Variants in HEPH observed in about 807,000 individuals in gnomAD.
HEPH encodes the protein hephaestin.
A neutral mutation model predicts 80.8 loss-of-function variants in HEPH; 69 were observed. The observed-to-expected ratio is 0.85, with a 90% CI of 0.70 to 1.04. HEPH has a LOEUF of 1.04. Ranked by LOEUF, HEPH falls within the 50% of genes least tolerant of loss-of-function variation. The probability of loss-of-function intolerance (pLI) is 0.00; values close to 1 mark genes in which losing one functional copy is unlikely to be tolerated. For missense variants in HEPH, 1,115 were observed against 891.3 expected, an observed-to-expected ratio of 1.25 and a Z score of -3.20; for synonymous variants, 431 against 322.8, an observed-to-expected ratio of 1.34 and a Z score of -3.60.
At chrX:66,196,753 G>A (rs1186414708) in intron 9 of HEPH, among the ~76,000 whole-genome samples, 1 of 111,819 alleles carries the variant, frequency 8.9e-6, no homozygotes. Flanking sequence ...GTAGGCAAAC[G>A]ACAGCATCAA....
intron 17 of HEPH, 78 bp downstream of exon 17, chrX:66,256,408 A>ATTATGTTC: frequency 1.5e-6 from 1 of 685,746 alleles, no homozygotes; most frequent in Non-Finnish European, 2.2e-6. Context: ...GCCTATTGCT[A>ATTATGTTC]CCTAAGGGAA....
intron 15 of HEPH, among the ~76,000 whole-genome samples, chrX:66,210,890 C>A (rs774316102): frequency 9.0e-6 from 1 of 111,040 alleles, no homozygotes; most frequent in Admixed American, 9.6e-5. Context: ...AAGCAGGGGG[C>A]AGTTTTTTGT....
At chrX:66,255,394 A>T (rs1010804207) in intron 16 of HEPH, among the ~76,000 whole-genome samples, 1 of 603 alleles carries the variant, frequency 1.7e-3, no homozygotes, top group Non-Finnish European at 2.6e-3. Flanking sequence ...TCTCATTATA[A>T]AAAAAAACAA....
intron 15 of HEPH, among the ~76,000 whole-genome samples, chrX:66,246,687 T>C: frequency 8.9e-6 from 1 of 111,789 alleles, no homozygotes; most frequent in East Asian, 2.8e-4. Context: ...CTTACTCACC[T>C]TTCCCCTGTT....
chrX:66,250,531 T>A (rs1211765370), intron 15 of HEPH, among the ~76,000 whole-genome samples: 1 of 111,458 alleles, frequency 9.0e-6, no homozygotes, highest in African/African-American at 3.3e-5. Context: ...TTTGAACCAC[T>A]GATCTGGTCT....
intron 15 of HEPH, among the ~76,000 whole-genome samples, chrX:66,219,193 A>C (rs1337166019): frequency 8.9e-6 from 1 of 112,233 alleles, no homozygotes; most frequent in African/African-American, 3.2e-5. Context: ...GTAGCAAGGA[A>C]GCAGTAAGCA....
rs771713667 is a variant in HEPH, at chrX:66,167,014, T to C, written c.-14+2544T>C. Among the ~76,000 whole-genome samples, 5 of 112,331 alleles carry C rather than the reference T, an allele frequency of 4.5e-5. No homozygotes were observed. The South Asian group carries it at 1.8e-3, about 41-fold the overall frequency. On this transcript the variant is annotated intron_variant, in intron 1 of 20. Coordinates refer to ENST00000343002, the MANE Select transcript of HEPH (RefSeq NM_001367233.3). The stretch of plus-strand genomic sequence containing the variant: ...TCACTTACATGTGCCCTTAAAGTAC[T>C]TACAGATCTTAATTAAGTTAATCCC...
chrX:66,195,020 C>A (rs2088007030), intron 8 of HEPH, 78 bp from the exon 9 acceptor site: 1 of 811,509 alleles, frequency 1.2e-6, no homozygotes, highest in Non-Finnish European at 1.7e-6. Flanking sequence ...CCTTTTCTTT[C>A]CCTCCCTCTT....
intron 20 of HEPH, among the ~76,000 whole-genome samples, chrX:66,266,122 A>G (rs1434490045): frequency 1.9e-5 from 2 of 104,235 alleles, no homozygotes; most frequent in Non-Finnish European, 4.0e-5. Flanking sequence ...AACAAGTCAA[A>G]TTCATCTTTT....
At position 66,229,951 on chromosome X, in the gene HEPH, G is replaced by C. The variant is rs1202092502; in HGVS notation, c.2563+21705G>C. On this transcript the variant is annotated intron_variant, in intron 15 of 20. Transcript: ENST00000343002. ...TCCCCCCACCCCACCACAGTCCCCA[G>C]AGTGTGATATTCCCCTTCCTGTGTC... Among the ~76,000 whole-genome samples the C allele has an allele frequency of 4.0e-5, 3 of 74,282 alleles. No individual in the cohort carries two copies. In the Admixed American group the frequency reaches 6.2e-4, roughly 15 times the overall value. The allele number at this position is 74,282 out of a possible 115,157, so 64.5% of individuals were successfully genotyped here. A position where few individuals can be genotyped will look rare whatever the true frequency, so the allele number is the denominator to read the frequency against.
intron 19 of HEPH, among the ~76,000 whole-genome samples, chrX:66,263,042 G>A (rs1477399892): frequency 9.0e-6 from 1 of 110,872 alleles, no homozygotes; most frequent in Non-Finnish European, 1.9e-5. Flanking sequence ...TGAGGGAGAG[G>A]AAGACTGAGC....
intron 13 of HEPH, among the ~76,000 whole-genome samples, chrX:66,204,284 G>A (rs1474600766): frequency 8.9e-6 from 1 of 111,830 alleles, no homozygotes; most frequent in Non-Finnish European, 1.9e-5. Flanking sequence ...TCTCTAATTA[G>A]TCAGCCATGT....
In HEPH at chrX:66,173,745, A is replaced by T; in HGVS notation, c.569A>T (p.Asp190Val). ...ACCTGGATCTACCATTCTCATGTAGATGCTCCACGAGACATTGCAACTGGC... is the reference window on the plus strand; with the variant it reads ...ACCTGGATCTACCATTCTCATGTAGTTGCTCCACGAGACATTGCAACTGGC... ...CLTWIYHSHV[D>V]APRDIATGLI... Residue 190 changes from aspartate to valine, a missense_variant, in exon 4 of 21, where the codon GAT (aspartate) becomes GTT (valine). By Grantham distance (152) the Asp-to-Val change is radical. Transcript: ENST00000343002. The T allele has an allele frequency of 1.7e-6, 2 of 1,206,191 alleles. No individual in the cohort carries two copies. Among genetic ancestry groups the T allele is most frequent in the Admixed American group, 2.2e-5 (1 of 45,451 alleles).
At chrX:66,165,067 A>G (rs1248239275) in intron 1 of HEPH, among the ~76,000 whole-genome samples, 2 of 111,881 alleles carry the variant, frequency 1.8e-5, no homozygotes, top group Admixed American at 9.5e-5. Flanking sequence ...GGTGATTGAA[A>G]AAGATGGTTT....
chrX:66,176,636 C>A (rs12839629), intron 4 of HEPH, among the ~76,000 whole-genome samples: 1 of 111,253 alleles, frequency 9.0e-6, no homozygotes, highest in African/African-American at 3.3e-5. Flanking sequence ...TCTCCTAATG[C>A]TATCCCTCCC....
intron 15 of HEPH, among the ~76,000 whole-genome samples, chrX:66,230,677 C>T (rs1264214557): frequency 2.0e-5 from 2 of 101,471 alleles, no homozygotes; most frequent in African/African-American, 3.7e-5. Flanking sequence ...TGGATATTAG[C>T]CCTTTGTCAG....
At chrX:66,194,856 T>G (rs1371449914) in intron 8 of HEPH, among the ~76,000 whole-genome samples, 1 of 112,126 alleles carries the variant, frequency 8.9e-6, no homozygotes, top group Non-Finnish European at 1.9e-5. Context: ...GTTAATAATT[T>G]TTGCCCTATA....
upstream of HEPH, among the ~76,000 whole-genome samples, chrX:66,163,598 G>A (rs895655859): frequency 1.8e-5 from 2 of 111,018 alleles, no homozygotes; most frequent in Non-Finnish European, 3.8e-5. Flanking sequence ...TTCAATAATT[G>A]TGAAGTCCCT....
chrX:66,213,280 C>T (rs189177205), intron 15 of HEPH, among the ~76,000 whole-genome samples: 3,462 of 108,321 alleles, frequency 0.032, 135 homozygotes, highest in African/African-American at 0.11. Flanking sequence ...TGAGAATATG[C>T]GGTGTTTGGT....
Sources: allele counts gnomAD v4.1 joint callset (sites outside exome capture counted in the v4.1 genomes callset), GRCh38; gene constraint gnomAD v4.1.1; transcripts MANE v1.5; gene names NCBI Gene and HGNC (gene_info 2026-07-23, HGNC 2026-07-21).